The following CDH12 variants were observed in gnomAD, a reference collection of about 807,000 sequenced individuals.
CDH12 encodes the protein cadherin 12, also known as cadherin-12.
Under a neutral mutation model 74.1 loss-of-function variants are expected in CDH12, and 41 were observed. That is an observed-to-expected ratio of 0.55 (90% CI 0.43 to 0.72). CDH12 has a LOEUF of 0.72. Among genes scored for constraint, CDH12 ranks in the 30% least tolerant of loss-of-function variants. The pLI, the probability that CDH12 is intolerant of heterozygous loss-of-function variation, is 0.00. For missense variants in CDH12, 945 were observed against 977.2 expected, an observed-to-expected ratio of 0.97 and a Z score of 0.44; for synonymous variants, 399 against 355.0, an observed-to-expected ratio of 1.12 and a Z score of -1.39.
At chr5:21,901,107 T>C (rs887223193) in intron 6 of CDH12, among the ~76,000 whole-genome samples, 3 of 152,332 alleles carry the variant, frequency 2.0e-5, no homozygotes, top group Admixed American at 6.5e-5. Context: ...TCTAAACCCT[T>C]AGTGAAGTGA....
At chr5:22,010,078 GCT>G (rs1469615346) in intron 5 of CDH12, among the ~76,000 whole-genome samples, 2 of 151,998 alleles carry the variant, frequency 1.3e-5, no homozygotes, top group African/African-American at 4.8e-5. Flanking sequence ...AATTGTGTGG[GCT>G]CTTTGACTAA....
intron 6 of CDH12, among the ~76,000 whole-genome samples, chr5:21,912,495 G>A (rs1753900970): frequency 6.6e-6 from 1 of 152,106 alleles, no homozygotes; most frequent in South Asian, 2.1e-4. Context: ...CACTTAGAAA[G>A]GCTGTCAGCC....
In CDH12 at chr5:22,330,633, C is replaced by T. The variant is rs915187592; in HGVS notation, c.-333+74624G>A. Among the ~76,000 whole-genome samples, 4 of 151,692 alleles carry T rather than the reference C, an allele frequency of 2.6e-5. No individual in the cohort carries two copies. In the East Asian group the frequency reaches 7.8e-4, roughly 30 times the overall value. ...AGGCATGGTGGTGCACATCTGCAGT[C>T]CCAGCTACTCGGGAGGCTGAGGCAG... On this transcript the variant is annotated intron_variant, in intron 3 of 14. Transcript: ENST00000382254.
chr5:22,654,236 G>GTTTCTTTCTTTCTTTCTTTC (rs200960229), intron 1 of CDH12, among the ~76,000 whole-genome samples: 4 of 122,724 alleles, frequency 3.3e-5, no homozygotes, highest in African/African-American at 9.1e-5. Context: ...TTGTTTCTTT[G>GTTTCTTTCTTTCTTTCTTTC]TTTCTTTCTT....
intron 5 of CDH12, among the ~76,000 whole-genome samples, chr5:22,029,143 T>C (rs1738617269): frequency 6.6e-6 from 1 of 152,116 alleles, no homozygotes; most frequent in Non-Finnish European, 1.5e-5. Context: ...ATGTTATACC[T>C]AAAACCATAA....
intron 12 of CDH12, among the ~76,000 whole-genome samples, chr5:21,762,494 T>C (rs1744779592): frequency 6.6e-6 from 1 of 152,114 alleles, no homozygotes; most frequent in Non-Finnish European, 1.5e-5. Context: ...ACAGAACATA[T>C]ATACATTTCT....
chr5:22,529,216 G>GAGAGAGAGA (rs1561470748), intron 1 of CDH12, among the ~76,000 whole-genome samples: 1 of 145,116 alleles, frequency 6.9e-6, no homozygotes, highest in Non-Finnish European at 1.5e-5. Flanking sequence ...GAGAGAGAGA[G>GAGAGAGAGA]AGAGAGAGAA....
At chr5:22,679,172 A>G (rs1741363259) in intron 1 of CDH12, among the ~76,000 whole-genome samples, 1 of 152,138 alleles carries the variant, frequency 6.6e-6, no homozygotes, top group Non-Finnish European at 1.5e-5. Context: ...CAATGATGTC[A>G]CCATTCTTAT....
At chr5:22,059,278 T>C (rs1298521719) in intron 5 of CDH12, among the ~76,000 whole-genome samples, 1 of 151,666 alleles carries the variant, frequency 6.6e-6, no homozygotes, top group Non-Finnish European at 1.5e-5. Context: ...TATCTATCTA[T>C]CTATCTATCT....
chr5:22,076,832 G>T (rs1437436057), intron 5 of CDH12, among the ~76,000 whole-genome samples: 1 of 152,052 alleles, frequency 6.6e-6, no homozygotes, highest in Non-Finnish European at 1.5e-5. Flanking sequence ...TGTGATCTGA[G>T]AAGGTCATTC....
At chr5:22,648,469 T>C (rs1358509192) in intron 1 of CDH12, among the ~76,000 whole-genome samples, 4 of 151,892 alleles carry the variant, frequency 2.6e-5, no homozygotes, top group Non-Finnish European at 5.9e-5. Context: ...AATGTCTGTT[T>C]TGAAATTCTC....
chr5:21,954,532 T>C (rs1047329772), intron 6 of CDH12, among the ~76,000 whole-genome samples: 11 of 152,272 alleles, frequency 7.2e-5, no homozygotes, highest in African/African-American at 2.2e-4. Context: ...TTAGTGCTGC[T>C]TGCTTTATAA....
At chr5:21,959,752 CAA>C (rs1176227757) in intron 6 of CDH12, among the ~76,000 whole-genome samples, 3,397 of 80,752 alleles carry the variant, frequency 0.042, 140 homozygotes, top group African/African-American at 0.13. Flanking sequence ...TACTAAAATC[CAA>C]AAAAAAAAAA....
chr5:21,890,685 T>C (rs1403000141), intron 6 of CDH12, among the ~76,000 whole-genome samples: 1 of 152,108 alleles, frequency 6.6e-6, no homozygotes, highest in African/African-American at 2.4e-5. Flanking sequence ...TGATTCTACA[T>C]ACATAGGCTT....
At chr5:22,841,919 A>G (rs978042526) in intron 1 of CDH12, among the ~76,000 whole-genome samples, 10 of 152,282 alleles carry the variant, frequency 6.6e-5, no homozygotes, top group African/African-American at 2.2e-4. Context: ...AGAAAGGGAG[A>G]TGAAGTGTTC....
chr5:22,220,459 C>T (rs1358616196), intron 3 of CDH12, among the ~76,000 whole-genome samples: 1 of 151,676 alleles, frequency 6.6e-6, no homozygotes, highest in Non-Finnish European at 1.5e-5. Flanking sequence ...TACATCCCAA[C>T]ATAAGCCTGT....
chr5:22,486,756 AACTTGT>A (rs1463455660), intron 2 of CDH12, among the ~76,000 whole-genome samples: 2 of 150,984 alleles, frequency 1.3e-5, no homozygotes, highest in African/African-American at 4.9e-5. Context: ...CCCGGCCAGT[AACTTGT>A]AATTTTAACC....
At chr5:22,744,760 A>T (rs1247526382) in intron 1 of CDH12, among the ~76,000 whole-genome samples, 1 of 151,964 alleles carries the variant, frequency 6.6e-6, no homozygotes, top group Non-Finnish European at 1.5e-5. Flanking sequence ...GTAATCAATT[A>T]AAAAAATTGT....
chr5:21,941,249 A>G (rs1159995350), intron 6 of CDH12, among the ~76,000 whole-genome samples: 1 of 152,198 alleles, frequency 6.6e-6, no homozygotes, highest in African/African-American at 2.4e-5. Flanking sequence ...ATCATCCCTA[A>G]AAGAAAAATG....
Sources: gnomAD v4.1 joint callset for allele counts (sites outside exome capture counted in the v4.1 genomes callset) on GRCh38, gnomAD v4.1.1 for gene constraint, MANE v1.5 for transcripts, NCBI Gene and HGNC (gene_info 2026-07-23, HGNC 2026-07-21) for gene names.